The following GNAQ variants were observed in gnomAD, a reference collection of about 807,000 sequenced individuals.
GNAQ encodes guanine nucleotide-binding protein G(q) subunit alpha.
In GNAQ, 8 loss-of-function variants were observed where a neutral mutation model predicts 43.9. The observed-to-expected ratio is 0.18, with a 90% confidence interval of 0.11 to 0.33. The LOEUF (loss-of-function observed/expected upper bound fraction) is 0.33. Ranked by LOEUF, GNAQ falls within the 10% of genes least tolerant of loss-of-function variation. The probability of loss-of-function intolerance (pLI) is 1.00; values close to 1 mark genes in which losing one functional copy is unlikely to be tolerated. For missense variants in GNAQ, 158 were observed against 450.8 expected (o/e 0.35, Z 5.88); for synonymous variants, 155 against 170.7 (o/e 0.91, Z 0.71).
At chr9:78,025,782 T>C (rs1159432890) in intron 1 of GNAQ, among the ~76,000 whole-genome samples, 2 of 152,168 alleles carry the variant, frequency 1.3e-5, no homozygotes, top group African/African-American at 4.8e-5. Context: ...TAACAGAATA[T>C]TAGTAGAATA....
rs145778238 is a variant in GNAQ, at chr9:77,737,697, A to G, written c.736-9030T>C. 4.2e-3 allele frequency among the ~76,000 whole-genome samples: 645 copies of G among 152,308 alleles called. 2 individuals are homozygous for G. The highest frequency in any genetic ancestry group is 0.015 in the African/African-American group (606 of 41,562). On this transcript the variant is annotated intron_variant, in intron 5 of 6. Transcript: ENST00000286548. ...GGGATATTGCACCAAACCAGTCATC[A>G]AAAGAGCCAAGGAGACAACTAGACA...
intron 5 of GNAQ, among the ~76,000 whole-genome samples, chr9:77,780,061 G>A (rs1053767093): frequency 5.3e-5 from 8 of 151,778 alleles, no homozygotes; most frequent in African/African-American, 1.7e-4. Context: ...TATGTATAAT[G>A]CATAGTGATC....
At chr9:77,838,434 G>A (rs145735547) in intron 2 of GNAQ, among the ~76,000 whole-genome samples, 140 of 151,674 alleles carry the variant, frequency 9.2e-4, no homozygotes, top group Admixed American at 7.9e-3. Context: ...GAGCCACCAC[G>A]CCCAGCCAAG....
intron 2 of GNAQ, among the ~76,000 whole-genome samples, chr9:77,899,505 C>T (rs1257584489): frequency 6.6e-6 from 1 of 151,560 alleles, no homozygotes; most frequent in African/African-American, 2.4e-5. Flanking sequence ...TGGATACTAT[C>T]CCACACTTAA....
chr9:78,013,435 G>GTA (rs1466734897), intron 1 of GNAQ, among the ~76,000 whole-genome samples: 2 of 151,474 alleles, frequency 1.3e-5, no homozygotes, highest in Non-Finnish European at 2.9e-5. Context: ...TTAACATTAG[G>GTA]TATATCTCCT....
At chr9:77,988,374 C>G (rs779085226) in intron 1 of GNAQ, among the ~76,000 whole-genome samples, 5 of 152,234 alleles carry the variant, frequency 3.3e-5, no homozygotes, top group Non-Finnish European at 5.9e-5. Flanking sequence ...GGAAATAGTA[C>G]AGGTTGGGTC....
chr9:77,779,391 G>C (rs1826352905), intron 5 of GNAQ, among the ~76,000 whole-genome samples: 1 of 151,846 alleles, frequency 6.6e-6, no homozygotes, highest in South Asian at 2.1e-4. Context: ...ATCAAAATTT[G>C]TGGAATACAA....
intron 5 of GNAQ, among the ~76,000 whole-genome samples, chr9:77,745,314 G>A (rs1825712061): frequency 6.6e-6 from 1 of 152,134 alleles, no homozygotes; most frequent in South Asian, 2.1e-4. Context: ...GTGCTTCAGT[G>A]CTGTAAAACA....
chr9:77,855,161 A>T (rs1435823382), intron 2 of GNAQ, among the ~76,000 whole-genome samples: 1 of 152,200 alleles, frequency 6.6e-6, no homozygotes, highest in African/African-American at 2.4e-5. Flanking sequence ...TAGTGAATAA[A>T]TTTATCTGAA....
intron 5 of GNAQ, among the ~76,000 whole-genome samples, chr9:77,748,317 A>G (rs1397079027): frequency 6.6e-6 from 1 of 152,240 alleles, no homozygotes; most frequent in Non-Finnish European, 1.5e-5. Flanking sequence ...CTAGGCAATG[A>G]AAGTAGAGTA....
At chr9:77,869,553 G>A (rs1253546709) in intron 2 of GNAQ, among the ~76,000 whole-genome samples, 1 of 152,114 alleles carries the variant, frequency 6.6e-6, no homozygotes, top group Non-Finnish European at 1.5e-5. Flanking sequence ...AATGTAAAGA[G>A]GACAGGAATG....
At chr9:77,989,779 C>T (rs1823486467) in intron 1 of GNAQ, among the ~76,000 whole-genome samples, 1 of 152,170 alleles carries the variant, frequency 6.6e-6, no homozygotes, top group South Asian at 2.1e-4. Context: ...CTACCAGCAG[C>T]CTGCTGAAAC....
chr9:77,922,435 A>C, intron 1 of GNAQ, 90 bp from the exon 2 acceptor site: 1 of 876,444 alleles, frequency 1.1e-6, no homozygotes, highest in Admixed American at 2.0e-5. Flanking sequence ...TGGATTTAAC[A>C]TCCCCAGATA....
intron 5 of GNAQ, among the ~76,000 whole-genome samples, chr9:77,755,075 T>G (rs1825879197): frequency 6.6e-6 from 1 of 152,238 alleles, no homozygotes; most frequent in African/African-American, 2.4e-5. Flanking sequence ...TCCTGTCATT[T>G]GCAACAACAT....
chr9:77,814,197 G>GCATCTTTTT (rs1826975315), intron 3 of GNAQ, among the ~76,000 whole-genome samples: 1 of 152,098 alleles, frequency 6.6e-6, no homozygotes, highest in African/African-American at 2.4e-5. Flanking sequence ...AGAGCTGAAT[G>GCATCTTTTT]CATCTTTTTC....
At chr9:77,882,640 G>A (rs1828233510) in intron 2 of GNAQ, among the ~76,000 whole-genome samples, 4 of 152,112 alleles carry the variant, frequency 2.6e-5, no homozygotes, top group South Asian at 4.1e-4. Context: ...TATTCACCAC[G>A]AGGTTCATGA....
intron 3 of GNAQ, among the ~76,000 whole-genome samples, chr9:77,810,910 G>T (rs1447993489): frequency 1.3e-5 from 2 of 152,196 alleles, no homozygotes; most frequent in Non-Finnish European, 2.9e-5. Flanking sequence ...CTTTCAGAAA[G>T]GGTGACTCTT....
intron 2 of GNAQ, among the ~76,000 whole-genome samples, chr9:77,904,364 G>A (rs1402789429): frequency 3.7e-5 from 4 of 109,052 alleles, no homozygotes; most frequent in African/African-American, 1.5e-4. Context: ...ACAGAGTCTC[G>A]CTCTGTTGCC....
chr9:77,955,453 T>C (rs1823030055), intron 1 of GNAQ, among the ~76,000 whole-genome samples: 1 of 152,244 alleles, frequency 6.6e-6, no homozygotes, highest in Admixed American at 6.5e-5. Context: ...GAATGTTTAC[T>C]CCTTAGTGAA....
Sources: allele counts gnomAD v4.1 joint callset (sites outside exome capture counted in the v4.1 genomes callset), GRCh38; gene constraint gnomAD v4.1.1; transcripts MANE v1.5; gene names NCBI Gene and HGNC (gene_info 2026-07-23, HGNC 2026-07-21).